AKAP11: variants seen among roughly 807,000 people sequenced by gnomAD.
The protein encoded by AKAP11 is A-kinase anchoring protein 11, also known as A-kinase anchor protein 11.
AKAP11 carries 36 observed loss-of-function variants against 146.1 expected under a neutral mutation model. That is an observed-to-expected ratio of 0.25 (90% confidence interval 0.19 to 0.33). AKAP11 has a LOEUF of 0.33. Among genes scored for constraint, AKAP11 ranks in the 10% least tolerant of loss-of-function variants. The pLI is 1.00. For missense variants in AKAP11, 2,201 were observed against 2,197.0 expected, an observed-to-expected ratio of 1.00 and a Z score of -0.04; for synonymous variants, 780 against 786.5, an observed-to-expected ratio of 0.99 and a Z score of 0.14.
chr13:42,315,792 G>A (rs994460264), intron 11 of AKAP11, among the ~76,000 whole-genome samples: 1 of 152,172 alleles, frequency 6.6e-6, no homozygotes, highest in Non-Finnish European at 1.5e-5. Flanking sequence ...TAAATTAGGA[G>A]CTAGATTGGT....
rs1202452261 is a variant in AKAP11, at chr13:42,319,334, A to G, written c.*106A>G. On this transcript the variant is annotated 3_prime_UTR_variant, in exon 13 of 13. Transcript: ENST00000025301. ...ATAGTGAATATTAACATCGTAAGTC[A>G]GTTGGGAGGCAAGTAAATATAGCTT... The G allele has an allele frequency of 3.6e-6, 5 of 1,406,264 alleles. No homozygotes were observed. Among genetic ancestry groups the G allele is most frequent in the Non-Finnish European group, 4.7e-6 (5 of 1,054,084 alleles). 87.1% of individuals were successfully genotyped at this position (1,406,264 alleles called of 1,614,324 possible).
intron 5 of AKAP11, 21 bp from the exon 6 acceptor site, chr13:42,297,024 CTTA>C (rs1566268273): frequency 1.3e-6 from 2 of 1,583,266 alleles, no homozygotes; most frequent in East Asian, 4.6e-5. Context: ...TACAGTGTTA[CTTA>C]TTGTTATTAT....
rs1423986948 is a variant in AKAP11, at chr13:42,299,829, G to T, written c.1083G>T (p.Gln361His). ...EVSEFFDSFD[Q>H]FDELEQTLET... ...GTGAATTTTTTGATAGTTTTGATCA[G>T]TTTGATGAACTAGAACAAACTTTAG... Residue 361 changes from glutamine (Q) to histidine (H), a missense_variant, in exon 8 of 13, where the codon CAG becomes CAT. Physicochemically the swap from Gln to His is conservative, Grantham distance 24 (BLOSUM62 0). Coordinates refer to ENST00000025301, the MANE Select transcript of AKAP11 (RefSeq NM_016248.4). 2 of 1,613,650 alleles carry T rather than the reference G, an allele frequency of 1.2e-6. No individual in the cohort carries two copies. The highest frequency in any genetic ancestry group is 2.7e-5 in the African/African-American group (2 of 74,912).
chr13:42,315,746 A>G (rs1423964182), intron 11 of AKAP11, among the ~76,000 whole-genome samples: 2 of 152,236 alleles, frequency 1.3e-5, no homozygotes, highest in Non-Finnish European at 2.9e-5. Flanking sequence ...CATTATATAG[A>G]AAGTTACAGC....
intron 3 of AKAP11, among the ~76,000 whole-genome samples, chr13:42,289,927 C>G (rs1053346054): frequency 2.0e-5 from 3 of 152,162 alleles, no homozygotes; most frequent in Non-Finnish European, 4.4e-5. Flanking sequence ...ATAGTCTTCA[C>G]TCAGATTCAC....
chr13:42,302,825 G>A lies in AKAP11; in HGVS notation c.4079G>A (p.Ser1360Asn). Residue 1360 changes from serine (S) to asparagine (N), a missense_variant, in exon 8 of 13, where the codon AGT (serine) becomes AAT (asparagine). Around this residue, in one of 3 missense-constraint regions of AKAP11, gnomAD observed 1,867 missense variants for 1,833.5 expected, o/e 1.02. Coordinates refer to ENST00000025301, the MANE Select transcript of AKAP11 (RefSeq NM_016248.4). The stretch of plus-strand genomic sequence containing the variant: ...ATACTAAAACAGGAAGGTGGTAATA[G>A]TGAGTTGATAATGGATCAGTATGCC... The part of the protein sequence containing the change: ...IQILKQEGGN[S>N]ELIMDQYANR... 1 of 1,614,118 alleles carries A rather than the reference G, an allele frequency of 6.2e-7. No individual in the cohort carries two copies. Among genetic ancestry groups the A allele is most frequent in the Non-Finnish European group, 8.5e-7 (1 of 1,180,012 alleles).
At position 42,301,979 on chromosome 13, in the gene AKAP11, C is replaced by T. The variant is rs536850974; in HGVS notation, c.3233C>T (p.Thr1078Ile). 1.9e-6 allele frequency: 3 copies of T among 1,613,970 alleles called. No individual in the cohort carries two copies. The highest frequency in any genetic ancestry group is 2.5e-6 in the Non-Finnish European group (3 of 1,179,984). The part of the protein sequence containing the change: ...HSHTFSSTAL[T>I]CVDGLHVEDK... ...CATACTTTCTCATCTACAGCACTTA[C>T]CTGTGTAGATGGTTTGCATGTGGAA... The change falls in exon 8 of 13, where the codon ACC (threonine) becomes ATC (isoleucine). Residue 1078 changes from threonine (T) to isoleucine (I), a missense_variant. Transcript: ENST00000025301.
intron 6 of AKAP11, among the ~76,000 whole-genome samples, chr13:42,297,907 A>G (rs1367555943): frequency 1.3e-5 from 2 of 151,856 alleles, no homozygotes; most frequent in Non-Finnish European, 2.9e-5. Context: ...ATTTGCTAGG[A>G]TATAAGAGGT....
Position 42,286,465 on chromosome 13 carries a change from T to C in AKAP11, c.51+66T>C, listed in dbSNP as rs950366550. The C allele has an allele frequency of 3.3e-6, 4 of 1,221,124 alleles. No individual in the cohort carries two copies. In the African/African-American group the frequency reaches 4.7e-5, roughly 14 times the overall value. 75.6% of individuals were successfully genotyped at this position (1,221,124 alleles called of 1,614,324 possible). On this transcript the variant is annotated intron_variant, in intron 3 of 12. Coordinates refer to ENST00000025301, the MANE Select transcript of AKAP11 (RefSeq NM_016248.4). ...ATTAAAATGTTGATTTTTTTTTAAG[T>C]CCTACAGCTATGATGTTTTGTTTAA...
chr13:42,317,778 G>C, intron 12 of AKAP11, 90 bp downstream of exon 12: 4 of 1,416,884 alleles, frequency 2.8e-6, no homozygotes, highest in Non-Finnish European at 3.8e-6. Flanking sequence ...GCCTGGTGAT[G>C]GTTAAATTCT....
At chr13:42,315,536 C>G (rs990609500) in intron 11 of AKAP11, among the ~76,000 whole-genome samples, 1 of 127,536 alleles carries the variant, frequency 7.8e-6, no homozygotes, top group South Asian at 2.6e-4. Context: ...AATGAACTAG[C>G]GATTGTTTAA....
intron 3 of AKAP11, among the ~76,000 whole-genome samples, chr13:42,291,815 T>G (rs1244419039): frequency 6.6e-6 from 1 of 152,238 alleles, no homozygotes; most frequent in Non-Finnish European, 1.5e-5. Context: ...TTTATGTAAC[T>G]TTTTCCTTGT....
chr13:42,295,979 A>G (rs1959488725), intron 5 of AKAP11, among the ~76,000 whole-genome samples: 2 of 152,242 alleles, frequency 1.3e-5, no homozygotes, highest in Admixed American at 6.5e-5. Context: ...TTAAAAGGTA[A>G]GATTTGTAAA....
Position 42,302,467 on chromosome 13 carries a change from G to A in AKAP11, c.3721G>A (p.Val1241Met). The change falls in exon 8 of 13, where the codon GTG (valine) becomes ATG (methionine). Residue 1241 changes from valine to methionine, a missense_variant. Val to Met is a conservative substitution (Grantham distance 21). Coordinates refer to ENST00000025301, the MANE Select transcript of AKAP11 (RefSeq NM_016248.4). ...CTTAAATGTGCAAAGTCAAAGAAGT[G>A]TGTCGCCTACTTTTTTAAACCCCTC... ...PCLNVQSQRS[V>M]SPTFLNPSDE... 1 of 1,614,194 alleles carries A rather than the reference G, an allele frequency of 6.2e-7. No individual in the cohort carries two copies. Among genetic ancestry groups the A allele is most frequent in the Non-Finnish European group, 8.5e-7 (1 of 1,180,036 alleles).
chr13:42,307,698 C>T (rs972505007), intron 8 of AKAP11, among the ~76,000 whole-genome samples: 2 of 151,586 alleles, frequency 1.3e-5, no homozygotes, highest in Admixed American at 6.6e-5. Context: ...AGGAGTGGGC[C>T]AGGGAGAACA....
At position 42,321,167 on chromosome 13, in the gene AKAP11, T is replaced by C. The variant is rs990985661; in HGVS notation, c.*1939T>C. On this transcript the variant is annotated 3_prime_UTR_variant, in exon 13 of 13. Transcript: ENST00000025301. Reference sequence around the variant, plus strand: ...TTTAGAATGCATTTTTACAAGTATCTAACTATCAAATTGTGTTTAGTAACT... The same window carrying C: ...TTTAGAATGCATTTTTACAAGTATCCAACTATCAAATTGTGTTTAGTAACT... 1.2e-4 allele frequency: 18 copies of C among 152,370 alleles called. No homozygotes were observed. The highest frequency in any genetic ancestry group is 4.1e-4 in the African/African-American group (17 of 41,454). The allele number at this position is 152,370 out of a possible 1,614,324, so 9.4% of individuals were successfully genotyped here.
intron 3 of AKAP11, among the ~76,000 whole-genome samples, chr13:42,289,778 TTTTCCTGTTTTGA>T (rs1959192068): frequency 6.6e-6 from 1 of 152,208 alleles, no homozygotes; most frequent in Non-Finnish European, 1.5e-5. Flanking sequence ...TTCACATATT[TTTTCCTGTTTTGA>T]TTTCCTGTTT....
Position 42,303,629 on chromosome 13 carries a change from A to G in AKAP11, c.4883A>G (p.Gln1628Arg). 6.2e-7 allele frequency: 1 copy of G among 1,614,210 alleles called. No individual in the cohort carries two copies. The highest frequency in any genetic ancestry group is 8.5e-7 in the Non-Finnish European group (1 of 1,180,020). ...ASNPKFSSRY[Q>R]KSRIFHLSVP... ...AATCCAAAATTTAGCAGCCGCTATCAGAAATCTAGGATTTTTCATCTCAGT... is the reference window on the plus strand; with the variant it reads ...AATCCAAAATTTAGCAGCCGCTATCGGAAATCTAGGATTTTTCATCTCAGT... Residue 1628 changes from glutamine (Q) to arginine (R), a missense_variant, in exon 8 of 13, where the codon CAG becomes CGG. This residue lies in a region of AKAP11 where 1,867 missense variants were observed against 1,833.5 expected (regional missense o/e 1.02). Transcript: ENST00000025301.
At chr13:42,282,784 G>A (rs1465774461) in intron 1 of AKAP11, among the ~76,000 whole-genome samples, 2 of 152,134 alleles carry the variant, frequency 1.3e-5, no homozygotes, top group Non-Finnish European at 2.9e-5. Flanking sequence ...TGCCTTGTCT[G>A]CCTCTTTCTT....
Sources: allele counts gnomAD v4.1 joint callset (sites outside exome capture counted in the v4.1 genomes callset), GRCh38; gene constraint gnomAD v4.1.1; regional missense constraint gnomAD v4.1.1; transcripts MANE v1.5; gene names NCBI Gene and HGNC (gene_info 2026-07-23, HGNC 2026-07-21).